The following UTRN variants were observed in gnomAD, a reference collection of about 807,000 sequenced individuals.
UTRN encodes dystrophin-related protein 1.
A neutral mutation model predicts 463.9 loss-of-function variants in UTRN; 283 were observed. That is an observed-to-expected ratio of 0.61 (90% CI 0.55 to 0.67). The LOEUF is 0.67. Among genes scored for constraint, UTRN ranks in the 30% least tolerant of loss-of-function variants. The pLI is 0.00. For synonymous variants in UTRN, 1,442 were observed against 1,431.5 expected, an observed-to-expected ratio of 1.01 and a Z score of -0.17; for missense variants, 3,922 against 4,084.3, an observed-to-expected ratio of 0.96 and a Z score of 1.08.
intron 5 of UTRN, 22 bp from the exon 6 acceptor site, chr6:144,423,964 G>A (rs553542496): frequency 6.9e-6 from 11 of 1,604,986 alleles, no homozygotes; most frequent in Middle Eastern, 1.6e-4. Flanking sequence ...TTTTGTTTTT[G>A]TTTTTTGTTT....
At chr6:144,394,037 G>A (rs1217514453) in intron 2 of UTRN, among the ~76,000 whole-genome samples, 5 of 152,126 alleles carry the variant, frequency 3.3e-5, no homozygotes, top group Non-Finnish European at 7.4e-5. Context: ...TCAAGGTGTT[G>A]TATGGGCTCT....
chr6:144,730,209 A>C (rs1035676254), intron 53 of UTRN, 148 bp from the exon 54 acceptor site: 15 of 866,332 alleles, frequency 1.7e-5, no homozygotes, highest in Non-Finnish European at 2.2e-5. Flanking sequence ...TATCTATAAA[A>C]TTTACATTTT....
In UTRN at chr6:144,372,452, T is replaced by C. The variant is rs185922069; in HGVS notation, c.80-30671T>C. Among the ~76,000 whole-genome samples the C allele has an allele frequency of 2.8e-3, 420 of 152,350 alleles. 3 individuals carry two copies. The highest frequency in any genetic ancestry group is 0.014 in the Middle Eastern group (4 of 294). On this transcript the variant is annotated intron_variant, in intron 2 of 74. Coordinates refer to ENST00000367545, the MANE Select transcript of UTRN (RefSeq NM_007124.3). The stretch of plus-strand genomic sequence containing the variant: ...AAATATTTGCAAATTAGGTATCTGC[T>C]AAAGGTCTAGTATCCGCAATAGATA...
In UTRN at chr6:144,851,019, T is replaced by A. The variant is rs756140595; in HGVS notation, c.*22T>A. On this transcript the variant is annotated 3_prime_UTR_variant, in exon 75 of 75. Coordinates refer to ENST00000367545, the MANE Select transcript of UTRN (RefSeq NM_007124.3). ...GTGAAGTATTCATCCGGCCAACCAA[T>A]GTTTCCTGACGTACAGTGTTGCCCT... 1 of 1,613,660 alleles carries A rather than the reference T, an allele frequency of 6.2e-7. No individual in the cohort carries two copies. The highest frequency in any genetic ancestry group is 8.5e-7 in the Non-Finnish European group (1 of 1,179,610).
rs1169682128 is a variant in UTRN, at chr6:144,406,341, CT to C, written c.141+3166del. On this transcript the variant is annotated intron_variant, in intron 3 of 74. Transcript: ENST00000367545. ...GCTCCACCTTCTCCATCTCCCTTTC[CT>C]TTTTTTTTCTTTTCTTTTTTTTTTT... Among the ~76,000 whole-genome samples, 98 of 132,106 alleles carry C rather than the reference CT, an allele frequency of 7.4e-4. 2 individuals carry two copies. Among genetic ancestry groups the C allele is most frequent in the South Asian group, 5.7e-3 (22 of 3,864 alleles). The allele number at this position is 132,106 out of a possible 152,430, so 86.7% of individuals were successfully genotyped here.
At chr6:144,800,452 A>G (rs1346200623) in intron 64 of UTRN, among the ~76,000 whole-genome samples, 1 of 152,204 alleles carries the variant, frequency 6.6e-6, no homozygotes, top group Non-Finnish European at 1.5e-5. Flanking sequence ...TCTCTATGAT[A>G]GAGATGTGAA....
At chr6:144,348,943 A>AAG (rs1267754667) in intron 2 of UTRN, among the ~76,000 whole-genome samples, 2 of 152,166 alleles carry the variant, frequency 1.3e-5, no homozygotes, top group African/African-American at 4.8e-5. Context: ...TCAAAAAAAA[A>AAG]CAAAAACAAA....
At chr6:144,339,905 C>T (rs368530898) in intron 2 of UTRN, among the ~76,000 whole-genome samples, 1 of 152,188 alleles carries the variant, frequency 6.6e-6, no homozygotes, top group African/African-American at 2.4e-5. Context: ...TGGTGGCTCA[C>T]GCCTATAATC....
At chr6:144,691,732 C>T (rs995029422) in intron 52 of UTRN, among the ~76,000 whole-genome samples, 2 of 152,110 alleles carry the variant, frequency 1.3e-5, no homozygotes, top group South Asian at 2.1e-4. Flanking sequence ...CCTAGTGTTG[C>T]ACTAGAAAGT....
chr6:144,556,659 A>G (rs1799412293), intron 49 of UTRN, among the ~76,000 whole-genome samples: 2 of 152,356 alleles, frequency 1.3e-5, no homozygotes, highest in South Asian at 4.1e-4. Flanking sequence ...TGGCTATTCA[A>G]GCAAACTCTC....
At chr6:144,754,138 A>G (rs910412135) in intron 56 of UTRN, among the ~76,000 whole-genome samples, 1 of 151,696 alleles carries the variant, frequency 6.6e-6, no homozygotes, top group African/African-American at 2.4e-5. Flanking sequence ...ATAATCTATT[A>G]TCTATCTAAC....
rs201227446 is a variant in UTRN at position 144,493,393 on chromosome 6, C to T, written c.4530C>T (p.Asn1510=). ...RHIVQKQQTD[N]PKGMDEQLTS... is the part of the protein sequence containing the mutation. ...TTGTCCAGAAACAGCAAACGGACAA[C>T]CCAAAAGGGATGGATGAGCAGCTGA... The change falls in exon 33 of 75, where the codon AAC becomes AAT. Residue 1510 remains asparagine (N), a synonymous_variant. Coordinates refer to ENST00000367545, the MANE Select transcript of UTRN (RefSeq NM_007124.3). The T allele has an allele frequency of 1.2e-6, 2 of 1,614,032 alleles. No individual in the cohort carries two copies. Among genetic ancestry groups the T allele is most frequent in the African/African-American group, 1.3e-5 (1 of 75,022 alleles).
chr6:144,367,286 C>T (rs1277245658), intron 2 of UTRN, among the ~76,000 whole-genome samples: 2 of 151,314 alleles, frequency 1.3e-5, no homozygotes, highest in African/African-American at 2.4e-5. Context: ...TGCCCGGCCC[C>T]TCTACCTGCG....
intron 33 of UTRN, among the ~76,000 whole-genome samples, chr6:144,494,204 T>C (rs1336718819): frequency 6.6e-6 from 1 of 152,146 alleles, no homozygotes; most frequent in Non-Finnish European, 1.5e-5. Context: ...GTTACAGCTC[T>C]TAAGGTGGCG....
At chr6:144,502,118 A>G (rs1378934838) in intron 34 of UTRN, among the ~76,000 whole-genome samples, 1 of 149,552 alleles carries the variant, frequency 6.7e-6, no homozygotes, top group African/African-American at 2.5e-5. Context: ...TTTTTTTTTG[A>G]AAAAAAGTAA....
chr6:144,849,596 G>GT (rs762614736), intron 74 of UTRN, among the ~76,000 whole-genome samples: 13 of 152,012 alleles, frequency 8.6e-5, no homozygotes, highest in South Asian at 2.1e-4. Flanking sequence ...CTTTCCATGT[G>GT]TTTTTTCCTG....
chr6:144,819,901 TCCTCCTCCTC>T (rs1438468861), intron 65 of UTRN, among the ~76,000 whole-genome samples: 2 of 124,568 alleles, frequency 1.6e-5, no homozygotes, highest in Non-Finnish European at 3.3e-5. Flanking sequence ...CTCCTCCTCC[TCCTCCTCCTC>T]CTCTCTCTCT....
intron 52 of UTRN, among the ~76,000 whole-genome samples, chr6:144,678,975 G>A (rs1271569865): frequency 1.3e-5 from 2 of 152,190 alleles, no homozygotes; most frequent in Middle Eastern, 3.4e-3. Context: ...AGGAAACAGA[G>A]GTTTAATGAA....
chr6:144,335,990 C>T (rs879593650), intron 2 of UTRN, among the ~76,000 whole-genome samples: 5 of 152,062 alleles, frequency 3.3e-5, no homozygotes, highest in Non-Finnish European at 7.4e-5. Context: ...TGGGTGTGCC[C>T]ATAGTTTAGA....
Sources: allele counts gnomAD v4.1 joint callset (sites outside exome capture counted in the v4.1 genomes callset), GRCh38; gene constraint gnomAD v4.1.1; transcripts MANE v1.5; gene names NCBI Gene and HGNC (gene_info 2026-07-23, HGNC 2026-07-21).